CWC27: variants seen among roughly 807,000 people sequenced by gnomAD.
The protein encoded by CWC27 is CWC27 spliceosome associated cyclophilin.
In CWC27, 47 loss-of-function variants were observed where a neutral mutation model predicts 63.6. The observed-to-expected ratio is 0.74, with a 90% confidence interval of 0.58 to 0.94. CWC27 has a LOEUF of 0.94. Ranked by LOEUF, CWC27 falls within the 40% of genes least tolerant of loss-of-function variation. The probability of loss-of-function intolerance (pLI) is 0.00; values close to 1 mark genes in which losing one functional copy is unlikely to be tolerated. For missense variants in CWC27, 495 were observed against 554.3 expected (o/e 0.89, Z 1.07); for synonymous variants, 175 against 179.8 (o/e 0.97, Z 0.22).
At chr5:64,836,333 C>G (rs572813517) in intron 10 of CWC27, among the ~76,000 whole-genome samples, 1 of 151,922 alleles carries the variant, frequency 6.6e-6, no homozygotes, top group Non-Finnish European at 1.5e-5. Context: ...TCAAGGCAGT[C>G]AGGCACAAAT....
chr5:64,842,357 G>C (rs76344541), intron 10 of CWC27, among the ~76,000 whole-genome samples: 53,262 of 151,560 alleles, frequency 0.35, 9,743 homozygotes, highest in East Asian at 0.5. Context: ...AGGCTGGAGT[G>C]CAGTGGCGTG....
chr5:64,809,096 G>A (rs918673918), intron 10 of CWC27, among the ~76,000 whole-genome samples: 1 of 152,040 alleles, frequency 6.6e-6, no homozygotes, highest in Non-Finnish European at 1.5e-5. Flanking sequence ...CCCCATTCTA[G>A]TTACTTCCCC....
intron 10 of CWC27, among the ~76,000 whole-genome samples, chr5:64,870,308 T>C (rs1281737115): frequency 1.3e-5 from 2 of 152,082 alleles, no homozygotes; most frequent in Non-Finnish European, 2.9e-5. Flanking sequence ...CAAATTGAAA[T>C]ACACCCTGTG....
chr5:64,864,692 G>C (rs916375236), intron 10 of CWC27, among the ~76,000 whole-genome samples: 2 of 152,072 alleles, frequency 1.3e-5, no homozygotes, highest in Admixed American at 1.3e-4. Flanking sequence ...TAGGTCTCAG[G>C]TATTGTGGAT....
intron 11 of CWC27, among the ~76,000 whole-genome samples, chr5:64,938,470 A>G (rs1038100891): frequency 2.0e-5 from 3 of 152,156 alleles, no homozygotes; most frequent in African/African-American, 7.2e-5. Context: ...CTGCAGAGAA[A>G]TCCACTGTTA....
intron 2 of CWC27, among the ~76,000 whole-genome samples, chr5:64,781,544 C>T (rs1743691996): frequency 6.6e-6 from 1 of 152,164 alleles, no homozygotes; most frequent in South Asian, 2.1e-4. Flanking sequence ...TATCCCTGCC[C>T]CCTACTCACT....
chr5:65,003,033 TATA>T (rs1415481452), intron 13 of CWC27, among the ~76,000 whole-genome samples: 1 of 152,252 alleles, frequency 6.6e-6, no homozygotes, highest in Non-Finnish European at 1.5e-5. Context: ...ATTATCTTTC[TATA>T]ATGACCTTTG....
intron 7 of CWC27, 119 bp downstream of exon 7, chr5:64,789,139 A>T (rs936614089): frequency 5.7e-6 from 3 of 527,798 alleles, no homozygotes; most frequent in South Asian, 5.0e-5. Flanking sequence ...CAGGCTCAGT[A>T]AGTGTTCATT....
At chr5:64,866,807 T>C (rs1746540747) in intron 10 of CWC27, among the ~76,000 whole-genome samples, 1 of 152,118 alleles carries the variant, frequency 6.6e-6, no homozygotes, top group Non-Finnish European at 1.5e-5. Context: ...CCATTTTATG[T>C]GTTAGAATAT....
At chr5:64,784,190 C>A (rs1037054655) in intron 4 of CWC27, among the ~76,000 whole-genome samples, 15 of 152,266 alleles carry the variant, frequency 9.9e-5, no homozygotes, top group Admixed American at 5.9e-4. Flanking sequence ...TCTTTCAATT[C>A]AGTCATTAGT....
At chr5:64,923,671 A>G (rs1748045714) in intron 11 of CWC27, among the ~76,000 whole-genome samples, 1 of 148,504 alleles carries the variant, frequency 6.7e-6, no homozygotes, top group African/African-American at 2.5e-5. Context: ...TAAAATCTGT[A>G]TTCATGCTAT....
chr5:64,888,609 A>T (rs1333151297), intron 11 of CWC27, among the ~76,000 whole-genome samples: 1 of 149,832 alleles, frequency 6.7e-6, no homozygotes, highest in East Asian at 1.9e-4. Context: ...AATAATATAA[A>T]TATTCACAGC....
At chr5:64,958,749 C>T (rs759560187) in intron 11 of CWC27, among the ~76,000 whole-genome samples, 2 of 152,026 alleles carry the variant, frequency 1.3e-5, no homozygotes, top group Non-Finnish European at 2.9e-5. Context: ...CAGAGGAAAA[C>T]GTTCTGTATT....
At chr5:65,015,438 G>A (rs755984880) in intron 13 of CWC27, among the ~76,000 whole-genome samples, 6 of 152,188 alleles carry the variant, frequency 3.9e-5, no homozygotes, top group Admixed American at 2.6e-4. Context: ...TTTAAAGGGC[G>A]TATGATTCCA....
chr5:65,016,479 A>G (rs1750049987), intron 13 of CWC27, among the ~76,000 whole-genome samples: 1 of 151,906 alleles, frequency 6.6e-6, no homozygotes, highest in South Asian at 2.1e-4. Context: ...CAAAAATAAT[A>G]ATAATAATAA....
intron 11 of CWC27, among the ~76,000 whole-genome samples, chr5:64,953,636 T>A (rs1217372196): frequency 3.9e-5 from 6 of 152,104 alleles, no homozygotes; most frequent in Admixed American, 3.9e-4. Flanking sequence ...CAAATAATCC[T>A]TCTACAATAA....
intron 9 of CWC27, 131 bp downstream of exon 9, chr5:64,801,463 A>C: frequency 1.3e-6 from 1 of 760,268 alleles, no homozygotes; most frequent in Non-Finnish European, 1.9e-6. Flanking sequence ...AAATTTTGGA[A>C]AAATATGAAA....
intron 10 of CWC27, among the ~76,000 whole-genome samples, chr5:64,850,096 C>A (rs569941353): frequency 6.6e-6 from 1 of 151,910 alleles, no homozygotes; most frequent in East Asian, 1.9e-4. Context: ...AACACACACA[C>A]AAAAATCCCT....
intron 10 of CWC27, among the ~76,000 whole-genome samples, chr5:64,847,777 A>G (rs964721411): frequency 2.6e-5 from 4 of 152,244 alleles, no homozygotes; most frequent in African/African-American, 4.8e-5. Flanking sequence ...TTCTAAAAAC[A>G]AATGGGTCAA....
Sources: gnomAD v4.1 joint callset for allele counts (sites outside exome capture counted in the v4.1 genomes callset) on GRCh38, gnomAD v4.1.1 for gene constraint, MANE v1.5 for transcripts, NCBI Gene and HGNC (gene_info 2026-07-23, HGNC 2026-07-21) for gene names.